The following RPS6KA5 variants were observed in gnomAD, a reference collection of about 807,000 sequenced individuals.
RPS6KA5 encodes ribosomal protein S6 kinase A5.
In RPS6KA5, 27 loss-of-function variants were observed where a neutral mutation model predicts 85.5. That is an observed-to-expected ratio of 0.32 (90% CI 0.23 to 0.44). RPS6KA5 has a LOEUF of 0.44. Among genes scored for constraint, RPS6KA5 ranks in the 20% least tolerant of loss-of-function variants. RPS6KA5 has a pLI of 1.00. For synonymous variants in RPS6KA5, 334 were observed against 348.2 expected (o/e 0.96, Z 0.46); for missense variants, 811 against 980.9 (o/e 0.83, Z 2.31).
intron 7 of RPS6KA5, among the ~76,000 whole-genome samples, chr14:90,917,356 T>A (rs1245531448): frequency 1.3e-5 from 2 of 152,190 alleles, no homozygotes; most frequent in Non-Finnish European, 2.9e-5. Context: ...TTTTTAACAG[T>A]TTTATTGAAG....
Position 90,966,991 on chromosome 14 carries a change from A to G in RPS6KA5, c.394+11315T>C, listed in dbSNP as rs143074750. 8.0e-3 allele frequency among the ~76,000 whole-genome samples: 1,226 copies of G among 152,312 alleles called. 19 individuals are homozygous for G. Among genetic ancestry groups the G allele is most frequent in the African/African-American group, 0.028 (1,169 of 41,574 alleles). On this transcript the variant is annotated intron_variant, in intron 3 of 16. Coordinates refer to ENST00000614987, the MANE Select transcript of RPS6KA5 (RefSeq NM_004755.4). ...TCAGACTTATTCTGTTTACAACTGA[A>G]GAACAAAAGAAAACTATCAATAGTC...
chr14:90,874,349 C>T (rs11622397), intron 15 of RPS6KA5, among the ~76,000 whole-genome samples: 26,581 of 152,182 alleles, frequency 0.17, 2,926 homozygotes, highest in Admixed American at 0.26. Context: ...TCCTGGAAGG[C>T]TTCTAGGAGA....
intron 2 of RPS6KA5, among the ~76,000 whole-genome samples, chr14:90,999,014 G>A (rs1189586297): frequency 6.6e-6 from 1 of 152,164 alleles, no homozygotes; most frequent in South Asian, 2.1e-4. Context: ...TGGATCACGA[G>A]GTCAGGAGTT....
chr14:91,046,672 T>C (rs1044478381), intron 1 of RPS6KA5, among the ~76,000 whole-genome samples: 1 of 152,206 alleles, frequency 6.6e-6, no homozygotes, highest in Non-Finnish European at 1.5e-5. Context: ...TCTACTTATA[T>C]AGAAAACCGC....
chr14:90,999,698 G>A (rs991404925), intron 2 of RPS6KA5, among the ~76,000 whole-genome samples: 1 of 152,210 alleles, frequency 6.6e-6, no homozygotes, highest in Admixed American at 6.5e-5. Context: ...AAATGAAAAT[G>A]CGGGTGCCTT....
chr14:90,899,553 T>C, intron 11 of RPS6KA5, 131 bp from the exon 12 acceptor site: 1 of 583,532 alleles, frequency 1.7e-6, no homozygotes, highest in Non-Finnish European at 3.0e-6. Flanking sequence ...TGTAATGAGG[T>C]TTCCATGAAA....
At chr14:90,951,779 A>G (rs2038203047) in intron 3 of RPS6KA5, among the ~76,000 whole-genome samples, 1 of 152,160 alleles carries the variant, frequency 6.6e-6, no homozygotes, top group Admixed American at 6.5e-5. Context: ...AGATAAGGGC[A>G]TTACCCCCAG....
intron 4 of RPS6KA5, among the ~76,000 whole-genome samples, chr14:90,944,611 C>T (rs1241343305): frequency 1.3e-5 from 2 of 152,092 alleles, no homozygotes; most frequent in South Asian, 2.1e-4. Context: ...CAAAATTAGC[C>T]GGGCGTGGTG....
chr14:90,984,272 T>G (rs2039966469), intron 2 of RPS6KA5, among the ~76,000 whole-genome samples: 1 of 152,226 alleles, frequency 6.6e-6, no homozygotes, highest in Non-Finnish European at 1.5e-5. Flanking sequence ...CAGGAAGGAT[T>G]ACTTACTGAT....
intron 3 of RPS6KA5, among the ~76,000 whole-genome samples, chr14:90,968,494 G>A (rs1253897254): frequency 6.6e-6 from 1 of 152,134 alleles, no homozygotes; most frequent in East Asian, 1.9e-4. Context: ...ATCTCTGGGA[G>A]GACATTATTC....
chr14:90,972,565 T>C (rs898810844), intron 3 of RPS6KA5, among the ~76,000 whole-genome samples: 4 of 152,188 alleles, frequency 2.6e-5, no homozygotes, highest in Non-Finnish European at 5.9e-5. Flanking sequence ...AAAGATTAAG[T>C]TGGATCCTTA....
At position 90,863,937 on chromosome 14, in the gene RPS6KA5, G is replaced by A. The variant is rs1379115189; in HGVS notation, c.*8137C>T. On this transcript the variant is annotated 3_prime_UTR_variant, in exon 17 of 17. Coordinates refer to ENST00000614987, the MANE Select transcript of RPS6KA5 (RefSeq NM_004755.4). ...GGATTAAGAATAGCCAAAACTATTA[G>A]AACTATTAGATAAAAGTTAGAGGTC... 2 of 152,148 alleles carry A rather than the reference G, an allele frequency of 1.3e-5. No homozygotes were observed. The highest frequency in any genetic ancestry group is 2.9e-5 in the Non-Finnish European group (2 of 68,028). The allele number at this position is 152,148 out of a possible 1,614,324, so 9.4% of individuals were successfully genotyped here.
intron 13 of RPS6KA5, among the ~76,000 whole-genome samples, chr14:90,891,957 T>C (rs1203979708): frequency 6.6e-6 from 1 of 151,996 alleles, no homozygotes; most frequent in South Asian, 2.1e-4. Context: ...ACCATGTTTA[T>C]TCTATATTAA....
chr14:91,010,810 G>A (rs1265174023), intron 1 of RPS6KA5, among the ~76,000 whole-genome samples: 4 of 152,172 alleles, frequency 2.6e-5, no homozygotes, highest in Non-Finnish European at 4.4e-5. Flanking sequence ...AGTAGAGATG[G>A]GAGGGTGGTT....
At chr14:91,051,551 C>G (rs956495418) in intron 1 of RPS6KA5, among the ~76,000 whole-genome samples, 1 of 152,012 alleles carries the variant, frequency 6.6e-6, no homozygotes, top group Non-Finnish European at 1.5e-5. Flanking sequence ...TGCAATGGTG[C>G]GATCGCAGCT....
At chr14:90,943,400 T>G (rs1359520674) in intron 4 of RPS6KA5, among the ~76,000 whole-genome samples, 2 of 152,160 alleles carry the variant, frequency 1.3e-5, no homozygotes, top group African/African-American at 4.8e-5. Flanking sequence ...GTTCTCCTTG[T>G]GCACAGGGTC....
At chr14:90,941,514 G>A (rs1324839128) in intron 5 of RPS6KA5, among the ~76,000 whole-genome samples, 2 of 152,184 alleles carry the variant, frequency 1.3e-5, no homozygotes. Flanking sequence ...ATCCTTAGCT[G>A]TGCCCATTGT....
intron 14 of RPS6KA5, among the ~76,000 whole-genome samples, chr14:90,875,915 G>A (rs1290835482): frequency 7.9e-6 from 1 of 126,228 alleles, no homozygotes; most frequent in African/African-American, 2.9e-5. Context: ...GGTGGGGGGA[G>A]GGGGGAGGGA....
intron 3 of RPS6KA5, among the ~76,000 whole-genome samples, chr14:90,956,969 T>A (rs1463034092): frequency 1.5e-5 from 2 of 137,774 alleles, no homozygotes; most frequent in African/African-American, 5.5e-5. Context: ...TTTCTGTTTT[T>A]TTTTTTTTTT....
Sources: allele counts gnomAD v4.1 joint callset (sites outside exome capture counted in the v4.1 genomes callset), GRCh38; gene constraint gnomAD v4.1.1; transcripts MANE v1.5; gene names NCBI Gene and HGNC (gene_info 2026-07-23, HGNC 2026-07-21).